The following HDAC2 variants were observed in gnomAD, a reference collection of about 807,000 sequenced individuals.
HDAC2 encodes histone deacetylase 2, also known as YY1-associated factor 1.
Under a neutral mutation model 68.5 loss-of-function variants are expected in HDAC2, and 5 were observed. That is an observed-to-expected ratio of 0.07 (90% CI 0.04 to 0.15). The LOEUF (loss-of-function observed/expected upper bound fraction) is 0.15. HDAC2 is among the 10% of genes least tolerant of loss of function. The pLI is 1.00. For synonymous variants in HDAC2, 182 were observed against 191.3 expected, an observed-to-expected ratio of 0.95 and a Z score of 0.40; for missense variants, 291 against 600.8, an observed-to-expected ratio of 0.48 and a Z score of 5.39.
rs183731143 is a variant in HDAC2, at chr6:113,944,624, G to A, written c.1092-214C>T. Among the ~76,000 whole-genome samples the A allele has an allele frequency of 4.1e-3, 622 of 152,134 alleles. 2 individuals are homozygous for A. The highest frequency in any genetic ancestry group is 6.1e-3 in the Non-Finnish European group (417 of 67,988). On this transcript the variant is annotated intron_variant, in intron 10 of 13. Coordinates refer to ENST00000519065, the MANE Select transcript of HDAC2 (RefSeq NM_001527.4). ...GCAATCCTCCTGCCTCAGCCTCTGCGCGTTAGGACTACAAGTGTATGCCAC... is the reference window on the plus strand; with the variant it reads ...GCAATCCTCCTGCCTCAGCCTCTGCACGTTAGGACTACAAGTGTATGCCAC...
intron 1 of HDAC2, among the ~76,000 whole-genome samples, chr6:113,964,773 G>A (rs1028387672): frequency 1.3e-5 from 2 of 152,084 alleles, no homozygotes; most frequent in Admixed American, 6.5e-5. Context: ...ATTCAATAAG[G>A]ATCTCAAATA....
In HDAC2 at chr6:113,970,767, C is replaced by G. The variant is rs1021443506; in HGVS notation, c.52+90G>C. The G allele has an allele frequency of 8.9e-5, 128 of 1,431,798 alleles. No homozygotes were observed. The African/African-American group carries it at 1.7e-3, about 19-fold the overall frequency. The allele number at this position is 1,431,798 out of a possible 1,614,324, so 88.7% of individuals were successfully genotyped here. A position where few individuals can be genotyped will look rare whatever the true frequency, so the allele number is the denominator to read the frequency against. On this transcript the variant is annotated intron_variant, in intron 1 of 13. Transcript: ENST00000519065. ...AATGTCGGTCCCTCCTCCTTCCCAC[C>G]CCTCAGCCCCGGCGCCCACTCGCGA...
chr6:113,970,258 G>A (rs776240529), intron 1 of HDAC2: 8 of 171,310 alleles, frequency 4.7e-5, no homozygotes, highest in Non-Finnish European at 7.0e-5. Flanking sequence ...CGCCCACCGG[G>A]AGGAGGGGTC....
At position 113,936,717 on chromosome 6, in the gene HDAC2, C is replaced by G. The variant is rs540886358; in HGVS notation, c.*4341G>C. ...TACCTCATAACAATAGCAAGCCAGG[C>G]GCGGTGGCTCATGCTTGTAATCCCA... On this transcript the variant is annotated 3_prime_UTR_variant, in exon 14 of 14. Transcript: ENST00000519065. The G allele has an allele frequency of 2.6e-5, 4 of 152,366 alleles. No individual in the cohort carries two copies. Among genetic ancestry groups the G allele is most frequent in the Admixed American group, 6.5e-5 (1 of 15,290 alleles). 9.4% of individuals were successfully genotyped at this position (152,366 alleles called of 1,614,324 possible). A position where few individuals can be genotyped will look rare whatever the true frequency, so the allele number is the denominator to read the frequency against.
chr6:113,961,269 AC>A (rs1375420668), intron 1 of HDAC2, among the ~76,000 whole-genome samples: 2 of 152,082 alleles, frequency 1.3e-5, no homozygotes, highest in Non-Finnish European at 2.9e-5. Context: ...AATGGAAACA[AC>A]CCCAAAAACT....
intron 5 of HDAC2, among the ~76,000 whole-genome samples, chr6:113,954,816 A>C (rs980889418): frequency 2.0e-5 from 3 of 152,190 alleles, no homozygotes; most frequent in Non-Finnish European, 4.4e-5. Flanking sequence ...ACAAAGTAGA[A>C]TCTGCTAAGA....
At chr6:113,943,295 C>A in intron 12 of HDAC2, 56 bp downstream of exon 12, 1 of 1,410,870 alleles carries the variant, frequency 7.1e-7, no homozygotes, top group Non-Finnish European at 9.8e-7. Context: ...CATTATAATG[C>A]AGCCCAATTT....
intron 5 of HDAC2, among the ~76,000 whole-genome samples, chr6:113,954,185 T>A (rs1404678048): frequency 6.6e-6 from 1 of 152,196 alleles, no homozygotes; most frequent in Non-Finnish European, 1.5e-5. Context: ...AAGGGGAAAA[T>A]GGACTTCTCA....
Position 113,935,144 on chromosome 6 carries a change from C to G in HDAC2, c.*5914G>C, listed in dbSNP as rs1775976318. The G allele has an allele frequency of 6.6e-6, 1 of 152,224 alleles. No homozygotes were observed. Among genetic ancestry groups the G allele is most frequent in the African/African-American group, 2.4e-5 (1 of 41,460 alleles). The allele number at this position is 152,224 out of a possible 1,614,324, so 9.4% of individuals were successfully genotyped here. Reference sequence around the variant, plus strand: ...AGTGCCCTCTTAAGCCCCTTAATTTCACCTAGTCTAGCCAAAGGCAACACA... The same window carrying G: ...AGTGCCCTCTTAAGCCCCTTAATTTGACCTAGTCTAGCCAAAGGCAACACA... On this transcript the variant is annotated 3_prime_UTR_variant, in exon 14 of 14. Transcript: ENST00000519065.
intron 6 of HDAC2, among the ~76,000 whole-genome samples, chr6:113,949,550 G>A (rs1776352123): frequency 6.6e-6 from 1 of 151,944 alleles, no homozygotes; most frequent in Non-Finnish European, 1.5e-5. Flanking sequence ...TAAAGGCAAT[G>A]AAATTACATT....
chr6:113,946,781 TA>T (rs1776273731), intron 8 of HDAC2: 1 of 152,090 alleles, frequency 6.6e-6, no homozygotes, highest in Admixed American at 6.5e-5. Flanking sequence ...AAGTTTCCAG[TA>T]AGTTCCCTTC....
chr6:113,944,309 T>C lies in HDAC2; in HGVS notation c.1193A>G (p.Asp398Gly). Residue 398 changes from aspartate (D) to glycine (G), a missense_variant, in exon 11 of 14, where the codon GAT becomes GGT. Coordinates refer to ENST00000519065, the MANE Select transcript of HDAC2 (RefSeq NM_001527.4). ...AATTCTCTTGTCTGGATCTTCTCCA[T>C]CTTCATCTCCACTGTCTTCATGAAC... ...DAVHEDSGDE[D>G]GEDPDKRISI... The C allele has an allele frequency of 6.2e-7, 1 of 1,612,708 alleles. No individual in the cohort carries two copies. Among genetic ancestry groups the C allele is most frequent in the Non-Finnish European group, 8.5e-7 (1 of 1,178,722 alleles).
At position 113,944,368 on chromosome 6, in the gene HDAC2, A is replaced by G. The variant is rs753870308; in HGVS notation, c.1134T>C (p.Pro378=). ...CTGGAATAGCTTGCATCTGGACACC[A>G]GGTGCATGAGGTAACATGCGCAAAT... The part of the protein sequence containing the change: ...FENLRMLPHA[P]GVQMQAIPED... The change falls in exon 11 of 14, where the codon CCT becomes CCC. Residue 378 remains proline, a synonymous_variant. Coordinates refer to ENST00000519065, the MANE Select transcript of HDAC2 (RefSeq NM_001527.4). The G allele has an allele frequency of 6.2e-6, 10 of 1,612,690 alleles. No individual in the cohort carries two copies. In the South Asian group the frequency reaches 8.8e-5, roughly 14 times the overall value.
chr6:113,969,256 G>A (rs1238928963), intron 1 of HDAC2, among the ~76,000 whole-genome samples: 1 of 152,066 alleles, frequency 6.6e-6, no homozygotes, highest in Non-Finnish European at 1.5e-5. Flanking sequence ...TTTAAAAGTA[G>A]GGCTGTTATT....
At chr6:113,958,816 C>A (rs374256602) in intron 2 of HDAC2, 50 bp from the exon 3 acceptor site, 26 of 1,020,036 alleles carry the variant, frequency 2.5e-5, no homozygotes, top group Non-Finnish European at 3.1e-5. Flanking sequence ...CCGGTTATAT[C>A]AGTATTATCA....
intron 1 of HDAC2, among the ~76,000 whole-genome samples, chr6:113,966,193 A>T (rs1043481933): frequency 6.6e-6 from 1 of 151,518 alleles, no homozygotes; most frequent in African/African-American, 2.4e-5. Context: ...ATCCTACCTA[A>T]ATGTAGTTCA....
At chr6:113,949,408 C>T in intron 6 of HDAC2, 148 bp from the exon 7 acceptor site, 1 of 621,390 alleles carries the variant, frequency 1.6e-6, no homozygotes, top group East Asian at 2.8e-5. Flanking sequence ...AACAATCAAA[C>T]TGAGAAAGGA....
intron 1 of HDAC2, chr6:113,970,642 C>A (rs1195960235): frequency 7.4e-6 from 10 of 1,347,830 alleles, no homozygotes; most frequent in African/African-American, 1.6e-5. Flanking sequence ...ACAAGACGGG[C>A]GGGCCCCCTG....
chr6:113,949,473 C>T (rs1444221376), intron 6 of HDAC2: 2 of 542,548 alleles, frequency 3.7e-6, no homozygotes, highest in East Asian at 6.1e-5. Flanking sequence ...GCTTGTAAAG[C>T]ATACAAGAAC....
Sources: allele counts gnomAD v4.1 joint callset (sites outside exome capture counted in the v4.1 genomes callset), GRCh38; gene constraint gnomAD v4.1.1; transcripts MANE v1.5; gene names NCBI Gene and HGNC (gene_info 2026-07-23, HGNC 2026-07-21).